Variants in ADPGK observed in about 807,000 individuals in gnomAD.
The protein encoded by ADPGK is ADP-dependent glucokinase.
ADPGK carries 26 observed loss-of-function variants against 42.4 expected under a neutral mutation model. The ratio of observed to expected loss-of-function variants is 0.61; its 90% confidence interval spans 0.45 to 0.85. The LOEUF (loss-of-function observed/expected upper bound fraction) is 0.85, where lower values mean the gene tolerates loss of function less well. Among genes scored for constraint, ADPGK ranks in the 40% least tolerant of loss-of-function variants. The pLI is 0.00. For missense variants in ADPGK, 571 were observed against 627.0 expected, an observed-to-expected ratio of 0.91 and a Z score of 0.95; for synonymous variants, 267 against 252.6, an observed-to-expected ratio of 1.06 and a Z score of -0.54.
chr15:72,754,301 C>T (rs1008885508), intron 6 of ADPGK, among the ~76,000 whole-genome samples: 33 of 152,094 alleles, frequency 2.2e-4, no homozygotes, highest in Admixed American at 1.0e-3. Context: ...GAACCGCCCC[C>T]GCCGCCCCAC....
chr15:72,773,921 T>G (rs897222877), intron 2 of ADPGK, among the ~76,000 whole-genome samples: 2 of 152,122 alleles, frequency 1.3e-5, no homozygotes, highest in Non-Finnish European at 2.9e-5. Context: ...CAGACTGGAG[T>G]GAAGTGGCAC....
At position 72,752,653 on chromosome 15, in the gene ADPGK, T is replaced by G; in HGVS notation, c.1182A>C (p.Gly394=). ...LVYHILATVD[G]HWANQLAAVA... Reference sequence around the variant, plus strand: ...CGGCTGCCAGCTGGTTGGCCCAGTGTCCATCCACAGTTGCCAGGATGTGGT... The same window carrying G: ...CGGCTGCCAGCTGGTTGGCCCAGTGGCCATCCACAGTTGCCAGGATGTGGT... The change falls in exon 7 of 7, where the codon GGA becomes GGC. Residue 394 remains glycine, a synonymous_variant. Coordinates refer to ENST00000456471, the MANE Select transcript of ADPGK (RefSeq NM_001365225.1). The G allele has an allele frequency of 6.2e-7, 1 of 1,614,200 alleles. No individual in the cohort carries two copies. Among genetic ancestry groups the G allele is most frequent in the Non-Finnish European group, 8.5e-7 (1 of 1,180,028 alleles).
intron 1 of ADPGK, among the ~76,000 whole-genome samples, chr15:72,781,062 T>A (rs1048427259): frequency 3.9e-5 from 6 of 152,166 alleles, no homozygotes; most frequent in Non-Finnish European, 5.9e-5. Flanking sequence ...TACGAGTGTG[T>A]CTCTAGAGAA....
rs1189569806 is a variant in ADPGK, at chr15:72,752,621, G to A, written c.1214C>T (p.Ala405Val). Residue 405 changes from alanine to valine, a missense_variant, in exon 7 of 7, where the codon GCA becomes GTA. Ala to Val is a moderately conservative substitution (Grantham distance 64). This residue lies in a region of ADPGK where 434 missense variants were observed against 522.7 expected (regional missense o/e 0.83). Coordinates refer to ENST00000456471, the MANE Select transcript of ADPGK (RefSeq NM_001365225.1). The stretch of plus-strand genomic sequence containing the variant: ...CTGTGTCCCAGCCACACGAGCTCCT[G>A]CAGCCACGGCTGCCAGCTGGTTGGC... ...HWANQLAAVA[A>V]GARVAGTQAC... The A allele has an allele frequency of 2.5e-6, 4 of 1,614,130 alleles. No homozygotes were observed. The highest frequency in any genetic ancestry group is 3.4e-6 in the Non-Finnish European group (4 of 1,180,054).
chr15:72,768,308 T>G (rs2066283817), intron 3 of ADPGK, among the ~76,000 whole-genome samples: 1 of 152,104 alleles, frequency 6.6e-6, no homozygotes, highest in Non-Finnish European at 1.5e-5. Context: ...CTAGAAGGCT[T>G]CACTAGAAGG....
At chr15:72,782,853 G>A (rs2066482062) in intron 1 of ADPGK, 1 of 152,224 alleles carries the variant, frequency 6.6e-6, no homozygotes, top group African/African-American at 2.4e-5. Context: ...AAAGAAAGGA[G>A]GTAGTGTCAT....
intron 4 of ADPGK, among the ~76,000 whole-genome samples, chr15:72,759,603 G>C (rs1011013505): frequency 6.6e-6 from 1 of 152,142 alleles, no homozygotes; most frequent in African/African-American, 2.4e-5. Flanking sequence ...TAATTGACTT[G>C]GAAGTAGTTC....
chr15:72,778,449 G>T (rs999000901), intron 1 of ADPGK, among the ~76,000 whole-genome samples: 2 of 152,108 alleles, frequency 1.3e-5, no homozygotes, highest in African/African-American at 4.8e-5. Context: ...CACAGTTAAA[G>T]AATCAGAAGA....
intron 4 of ADPGK, 76 bp downstream of exon 4, chr15:72,760,330 CG>C: frequency 7.0e-7 from 1 of 1,433,800 alleles, no homozygotes; most frequent in Non-Finnish European, 9.3e-7. Flanking sequence ...GATAAATTTC[CG>C]GCACAGTCAC....
rs780056276 is a variant in ADPGK, at chr15:72,771,796, T to C, written c.509A>G (p.Asn170Ser). ...AALIGQKFAANSDLKVLLCGP... is the reference protein window; with the variant it reads ...AALIGQKFAASSDLKVLLCGP... The stretch of plus-strand genomic sequence containing the variant: ...AACTTGACCTACCTTTAAATCTGAG[T>C]TGGCTGCAAATTTCTGTCCAATTAA... The change falls in exon 3 of 7, where the codon AAC becomes AGC. Residue 170 changes from asparagine (N) to serine (S), a missense_variant. Asn to Ser is a conservative substitution (Grantham distance 46). Around this residue, in one of 2 missense-constraint regions of ADPGK, gnomAD observed 434 missense variants for 522.7 expected, o/e 0.83. Coordinates refer to ENST00000456471, the MANE Select transcript of ADPGK (RefSeq NM_001365225.1). 6.2e-7 allele frequency: 1 copy of C among 1,613,274 alleles called. No individual in the cohort carries two copies. The highest frequency in any genetic ancestry group is 2.2e-5 in the East Asian group (1 of 44,790).
At chr15:72,756,502 T>G in intron 4 of ADPGK, 55 bp from the exon 5 acceptor site, 1 of 1,588,904 alleles carries the variant, frequency 6.3e-7, no homozygotes, top group Non-Finnish European at 8.6e-7. Context: ...TTAGGTCTCC[T>G]AGCTGTGGGG....
chr15:72,765,556 G>A (rs1244289240), intron 3 of ADPGK, among the ~76,000 whole-genome samples: 1 of 152,174 alleles, frequency 6.6e-6, no homozygotes, highest in Non-Finnish European at 1.5e-5. Flanking sequence ...GAAAACTTCT[G>A]GAAAGAATTT....
intron 1 of ADPGK, chr15:72,782,786 T>C (rs966659045): frequency 6.6e-6 from 1 of 152,142 alleles, no homozygotes; most frequent in Non-Finnish European, 1.5e-5. Context: ...GGACTAAAGT[T>C]AGTGTTTACA....
At chr15:72,756,124 C>G (rs779546454) in intron 5 of ADPGK, 127 bp downstream of exon 5, 13 of 1,189,948 alleles carry the variant, frequency 1.1e-5, no homozygotes, top group Non-Finnish European at 1.6e-5. Context: ...GCAAGCTCCA[C>G]AGCCAGCTGC....
rs549988710 is a variant in ADPGK at position 72,777,678 on chromosome 15, A to AAAAAC, written c.234-2586_234-2582dup. Among the ~76,000 whole-genome samples the AAAAAC allele has an allele frequency of 2.5e-4, 38 of 152,132 alleles. No homozygotes were observed. In the South Asian group the frequency reaches 5.2e-3, roughly 21 times the overall value. On this transcript the variant is annotated intron_variant, in intron 1 of 6. Transcript: ENST00000456471. ...GGGCAACAGAGCAAGACTCCATCTC[A>AAAAAC]AAAACAAAACAAAACAAAACAAAAC...
Position 72,752,882 on chromosome 15 carries a change from G to A in ADPGK, c.953C>T (p.Ala318Val), listed in dbSNP as rs368719480. ...TTCATTCAGCCCAAGGGAAGTCACC[G>A]CGGGAAAGACCTGCTAACAAAAACA... ...SSIVHQQVFP[A>V]VTSLGLNEQE... Residue 318 changes from alanine to valine, a missense_variant, in exon 7 of 7, where the codon GCG becomes GTG. By Grantham distance (64) the Ala-to-Val change is moderately conservative (BLOSUM62 0). Coordinates refer to ENST00000456471, the MANE Select transcript of ADPGK (RefSeq NM_001365225.1). 7.4e-6 allele frequency: 12 copies of A among 1,611,372 alleles called. No individual in the cohort carries two copies. Among genetic ancestry groups the A allele is most frequent in the South Asian group, 3.3e-5 (3 of 90,990 alleles).
intron 3 of ADPGK, among the ~76,000 whole-genome samples, chr15:72,769,561 G>A (rs1043527217): frequency 1.1e-4 from 17 of 152,186 alleles, no homozygotes; most frequent in Admixed American, 3.9e-4. Context: ...TGGCCAGGCT[G>A]GTCTTGAACT....
At chr15:72,772,167 T>C (rs1024587198) in intron 2 of ADPGK, among the ~76,000 whole-genome samples, 33 of 152,364 alleles carry the variant, frequency 2.2e-4, no homozygotes, top group East Asian at 3.9e-4. Flanking sequence ...GTCTACATTA[T>C]AGTCCTTCTA....
Position 72,774,951 on chromosome 15 carries a change from G to A in ADPGK, c.380C>T (p.Ala127Val), listed in dbSNP as rs1343268116. The A allele has an allele frequency of 1.2e-6, 2 of 1,614,096 alleles. No homozygotes were observed. The highest frequency in any genetic ancestry group is 1.7e-6 in the Non-Finnish European group (2 of 1,180,046). Residue 127 changes from alanine (A) to valine (V), a missense_variant, in exon 2 of 7, where the codon GCA becomes GTA. By Grantham distance (64) the Ala-to-Val change is moderately conservative. Transcript: ENST00000456471. ...EAFIHFMGKG[A>V]AAERFFSDKE... ...ATCACTGAAGAAGCGCTCAGCAGCTGCTCCCTTCCCCATGAAGTGAATGAA... is the reference window on the plus strand; with the variant it reads ...ATCACTGAAGAAGCGCTCAGCAGCTACTCCCTTCCCCATGAAGTGAATGAA...
Sources: gnomAD v4.1 joint callset for allele counts (sites outside exome capture counted in the v4.1 genomes callset) on GRCh38, gnomAD v4.1.1 for gene constraint, gnomAD v4.1.1 regional missense constraint, MANE v1.5 for transcripts, NCBI Gene and HGNC (gene_info 2026-07-23, HGNC 2026-07-21) for gene names.